Variants in SLC27A4 observed in about 807,000 individuals in gnomAD.
SLC27A4 encodes the protein long-chain fatty acid transport protein 4.
SLC27A4 carries 33 observed loss-of-function variants against 64.4 expected under a neutral mutation model. The observed-to-expected ratio is 0.51, with a 90% CI of 0.39 to 0.68. The LOEUF (loss-of-function observed/expected upper bound fraction) is 0.68. Ranked by LOEUF, SLC27A4 falls within the 30% of genes least tolerant of loss-of-function variation. SLC27A4 has a pLI of 0.00. For synonymous variants in SLC27A4, 377 were observed against 370.0 expected, an observed-to-expected ratio of 1.02 and a Z score of -0.22; for missense variants, 824 against 883.5, an observed-to-expected ratio of 0.93 and a Z score of 0.85.
At position 128,345,487 on chromosome 9, in the gene SLC27A4, T is replaced by C; in HGVS notation, c.494T>C (p.Leu165Pro). The C allele has an allele frequency of 1.2e-6, 2 of 1,612,408 alleles. No individual in the cohort carries two copies. The highest frequency in any genetic ancestry group is 1.7e-6 in the Non-Finnish European group (2 of 1,179,586). ...AACACCAACCTGCGGCGGGATGCTC[T>C]GCTCCACTGCCTCACCACCTCGCGC... ...LINTNLRRDA[L>P]LHCLTTSRAR... The change falls in exon 3 of 13, where the codon CTG becomes CCG. Residue 165 changes from leucine to proline, a missense_variant. Coordinates refer to ENST00000300456, the MANE Select transcript of SLC27A4 (RefSeq NM_005094.4). This position sits in a 1 kb window ranked among gnomAD's most constrained non-coding sequence, Gnocchi z 4.1.
At chr9:128,342,314 C>T (rs757916404) in intron 1 of SLC27A4, 6 of 1,611,916 alleles carry the variant, frequency 3.7e-6, no homozygotes, top group Non-Finnish European at 5.1e-6. Flanking sequence ...GAGAAAAATC[C>T]ACTGCCTTCC....
In SLC27A4 at chr9:128,360,841, G is replaced by C. The variant is rs1588569878; in HGVS notation, c.*350G>C. 50 of 335,258 alleles carry C rather than the reference G, an allele frequency of 1.5e-4. No homozygotes were observed. The highest frequency in any genetic ancestry group is 1.3e-3 in the South Asian group (48 of 36,820). The allele number at this position is 335,258 out of a possible 1,614,324, so 20.8% of individuals were successfully genotyped here. ...AGCAGGGAGCTTATAAATGGAACCA[G>C]AGCAGAAGTCCCCAGACTCAGGAAG... is the stretch of plus-strand genomic sequence containing the variant. On this transcript the variant is annotated 3_prime_UTR_variant, in exon 13 of 13. Transcript: ENST00000300456.
At chr9:128,355,831 A>T (rs753321653) in intron 12 of SLC27A4, 35 bp downstream of exon 12, 2 of 1,610,476 alleles carry the variant, frequency 1.2e-6, no homozygotes, top group East Asian at 4.5e-5. Context: ...CTCGGATCCC[A>T]GGTCCCTTCC....
At chr9:128,342,751 A>G (rs1832594908) in intron 1 of SLC27A4, 1 of 356,488 alleles carries the variant, frequency 2.8e-6, no homozygotes, top group Admixed American at 4.7e-5. Context: ...GCAAATAAAA[A>G]GTTTAAAAAC....
chr9:128,346,537 A>T (rs1462634502), intron 3 of SLC27A4, among the ~76,000 whole-genome samples: 1 of 151,918 alleles, frequency 6.6e-6, no homozygotes, highest in African/African-American at 2.4e-5. Context: ...CCCGGCCTAA[A>T]AAAAGTTTTT....
Position 128,355,463 on chromosome 9 carries a change from C to CA in SLC27A4, c.1528_1529insA (p.Arg510GlnfsTer5). ...CCGAGACCGCACTGGGGACACGTTC[C>CA]GCTGGAAAGGTGAGAACGTGTCCAC... On this transcript the variant is annotated frameshift_variant, in exon 11 of 13. Transcript: ENST00000300456. LOFTEE classifies it high-confidence loss of function. 6.2e-7 allele frequency: 1 copy of CA among 1,613,632 alleles called. No individual in the cohort carries two copies. The highest frequency in any genetic ancestry group is 8.5e-7 in the Non-Finnish European group (1 of 1,180,014).
At position 128,353,333 on chromosome 9, in the gene SLC27A4, G is replaced by A; in HGVS notation, c.1198-82G>A. 3.1e-6 allele frequency: 5 copies of A among 1,610,916 alleles called. No homozygotes were observed. The highest frequency in any genetic ancestry group is 4.2e-6 in the Non-Finnish European group (5 of 1,177,612). ...GCAGAGTTCGAGCGTGAGAGTGTGG[G>A]TGCTGGAGTCCCACTTCCCCCTCAT... On this transcript the variant is annotated intron_variant, in intron 8 of 12. Transcript: ENST00000300456. This position sits in a 1 kb window ranked among gnomAD's most constrained non-coding sequence, Gnocchi z 4.9.
chr9:128,357,261 CAAAAAAAAAAA>C (rs1007585471), intron 12 of SLC27A4, among the ~76,000 whole-genome samples: 37 of 50,970 alleles, frequency 7.3e-4, no homozygotes, highest in Middle Eastern at 0.026. Context: ...GACTCTGTCT[CAAAAAAAAAAA>C]AAAAAAAAAA....
Position 128,345,573 on chromosome 9 carries a change from C to A in SLC27A4, c.556+24C>A. On this transcript the variant is annotated intron_variant, in intron 3 of 12. Transcript: ENST00000300456. This position sits in a 1 kb window ranked among gnomAD's most constrained non-coding sequence, Gnocchi z 4.1. ...AGGTGAGCCCCAAGGGGGCGGGGGACAAGCAGGAACCCCATGGGATCTTAC... is the reference window on the plus strand; with the variant it reads ...AGGTGAGCCCCAAGGGGGCGGGGGAAAAGCAGGAACCCCATGGGATCTTAC... 6.3e-7 allele frequency: 1 copy of A among 1,585,006 alleles called. No individual in the cohort carries two copies.
At chr9:128,341,991 C>T (rs1488643719) in intron 1 of SLC27A4, among the ~76,000 whole-genome samples, 1 of 152,230 alleles carries the variant, frequency 6.6e-6, no homozygotes, top group East Asian at 1.9e-4. Flanking sequence ...CCTGCCTCGG[C>T]CTCCCAAAGT....
In SLC27A4 at chr9:128,343,203, A is replaced by C. The variant is rs777159527; in HGVS notation, c.71A>C (p.Gln24Pro). The C allele has an allele frequency of 1.7e-5, 27 of 1,614,192 alleles. No individual in the cohort carries two copies. Among genetic ancestry groups the C allele is most frequent in the Non-Finnish European group, 2.3e-5 (27 of 1,180,024 alleles). ...SKLVLKLPWT[Q>P]VGFSLLFLYL... ...CTGGTGCTGAAACTGCCCTGGACCC[A>C]GGTGGGATTCTCCCTGTTGTTCCTC... The change falls in exon 2 of 13, where the codon CAG becomes CCG. Residue 24 changes from glutamine (Q) to proline (P), a missense_variant. Transcript: ENST00000300456.
intron 7 of SLC27A4, 100 bp downstream of exon 7, chr9:128,352,847 T>C (rs1832757906): frequency 1.8e-6 from 2 of 1,109,294 alleles, no homozygotes; most frequent in East Asian, 4.9e-5. Flanking sequence ...TGGCCAGTCA[T>C]TCCAAAGGGC....
chr9:128,360,486 C>G lies in SLC27A4; in HGVS notation c.1927C>G (p.Leu643Val), dbSNP rs1339136800. 1 of 1,613,792 alleles carries G rather than the reference C, an allele frequency of 6.2e-7. No homozygotes were observed. Among genetic ancestry groups the G allele is most frequent in the East Asian group, 2.2e-5 (1 of 44,890 alleles). Residue 643 changes from leucine (L) to valine (V), a missense_variant, in exon 13 of 13, where the codon CTG becomes GTG. Leu to Val is a conservative substitution (Grantham distance 32). Coordinates refer to ENST00000300456, the MANE Select transcript of SLC27A4 (RefSeq NM_005094.4). Reference sequence around the variant, plus strand: ...CCGCATCCAGGCAGGCGAGGAGAAGCTGTGATTCCCCCCATCCCTCTGAGG... The same window carrying G: ...CCGCATCCAGGCAGGCGAGGAGAAGGTGTGATTCCCCCCATCCCTCTGAGG... ...YSRIQAGEEK[L>V]
rs553926262 is a variant in SLC27A4, at chr9:128,348,783, T to A, written c.715+80T>A. 263 of 1,462,068 alleles carry A rather than the reference T, an allele frequency of 1.8e-4. 1 individual carries two copies. In the African/African-American group the frequency reaches 3.2e-3, roughly 18 times the overall value. The allele number at this position is 1,462,068 out of a possible 1,614,324, so 90.6% of individuals were successfully genotyped here. Reference sequence around the variant, plus strand: ...ACTGGCCTCAGTGCCAGAAGGAGGCTTTTCTGGAAACTTGCCATGTGCCTG... The same window carrying A: ...ACTGGCCTCAGTGCCAGAAGGAGGCATTTCTGGAAACTTGCCATGTGCCTG... On this transcript the variant is annotated intron_variant, in intron 4 of 12. Coordinates refer to ENST00000300456, the MANE Select transcript of SLC27A4 (RefSeq NM_005094.4).
At chr9:128,355,028 T>A in intron 9 of SLC27A4, 25 bp from the exon 10 acceptor site, 2 of 1,593,480 alleles carry the variant, frequency 1.3e-6, no homozygotes, top group South Asian at 2.2e-5. Flanking sequence ...CTAGGGCAGA[T>A]CTGACCCTGC....
intron 1 of SLC27A4, chr9:128,342,579 C>G (rs2131248972): frequency 3.6e-6 from 2 of 550,572 alleles, no homozygotes; most frequent in South Asian, 3.8e-5. Flanking sequence ...AAAGAACTTG[C>G]TTGTTGGTGA....
chr9:128,350,267 A>C lies in SLC27A4; in HGVS notation c.716-45A>C, dbSNP rs376971207. 4.7e-5 allele frequency: 74 copies of C among 1,564,214 alleles called. No individual in the cohort carries two copies. In the East Asian group the frequency reaches 1.6e-3, roughly 34 times the overall value. ...TGTCCATTTGTGTGACCCTTTGCCC[A>C]GCCCTGAGCTGCCCCCGACAGCCAC... On this transcript the variant is annotated intron_variant, in intron 4 of 12. Transcript: ENST00000300456.
rs1009973169 is a variant in SLC27A4, at chr9:128,355,606, C to T, written c.1627+44C>T. 1.9e-6 allele frequency: 3 copies of T among 1,607,314 alleles called. No individual in the cohort carries two copies. In the South Asian group the frequency reaches 3.3e-5, roughly 18 times the overall value. On this transcript the variant is annotated intron_variant, in intron 11 of 12. Coordinates refer to ENST00000300456, the MANE Select transcript of SLC27A4 (RefSeq NM_005094.4). ...GAGGTGTGGGTAGGGAGGCACCACCCAGGGGCACCACCAGCTACTCAGTGT... is the reference window on the plus strand; with the variant it reads ...GAGGTGTGGGTAGGGAGGCACCACCTAGGGGCACCACCAGCTACTCAGTGT...
chr9:128,345,067 G>A lies in SLC27A4; in HGVS notation c.162-88G>A. 6.5e-7 allele frequency: 1 copy of A among 1,546,936 alleles called. No individual in the cohort carries two copies. The highest frequency in any genetic ancestry group is 8.8e-7 in the Non-Finnish European group (1 of 1,131,390). On this transcript the variant is annotated intron_variant, in intron 2 of 12. Coordinates refer to ENST00000300456, the MANE Select transcript of SLC27A4 (RefSeq NM_005094.4). The surrounding 1 kb of genome is among the most constrained non-coding windows in gnomAD (Gnocchi z 4.1). Reference sequence around the variant, plus strand: ...AGGGGGTCTGGCTCATGAAGCATAGGCTGGCGAGGCAGCAGCCTGGGGTAG... The same window carrying A: ...AGGGGGTCTGGCTCATGAAGCATAGACTGGCGAGGCAGCAGCCTGGGGTAG...
Sources: allele counts gnomAD v4.1 joint callset (sites outside exome capture counted in the v4.1 genomes callset), GRCh38; gene constraint gnomAD v4.1.1; non-coding constraint Gnocchi (gnomAD v3.1); transcripts MANE v1.5; gene names NCBI Gene and HGNC (gene_info 2026-07-23, HGNC 2026-07-21).